Variants in THAP6 observed in about 807,000 individuals in gnomAD.
THAP6 encodes THAP domain containing 6.
A neutral mutation model predicts 20.0 loss-of-function variants in THAP6; 13 were observed. The observed-to-expected ratio is 0.65, with a 90% CI of 0.42 to 1.03. The LOEUF is 1.03. Among genes scored for constraint, THAP6 ranks in the 50% least tolerant of loss-of-function variants. The probability of loss-of-function intolerance (pLI) is 0.00; values close to 1 mark genes in which losing one functional copy is unlikely to be tolerated. For missense variants in THAP6, 262 were observed against 261.6 expected (o/e 1.00, Z -0.01); for synonymous variants, 93 against 92.2 (o/e 1.01, Z -0.05).
chr4:75,527,556 T>C lies in THAP6; in HGVS notation c.*342T>C, dbSNP rs1578273270. 6 of 1,060,288 alleles carry C rather than the reference T, an allele frequency of 5.7e-6. No homozygotes were observed. In the East Asian group the frequency reaches 4.1e-4, roughly 73 times the overall value. 65.7% of individuals were successfully genotyped at this position (1,060,288 alleles called of 1,614,324 possible). ...AGAAGGAATTGGACACTTCTCCAGA[T>C]ATTTGGCTTCAAAGGAGTACCTTTA... On this transcript the variant is annotated 3_prime_UTR_variant, in exon 5 of 5. Coordinates refer to ENST00000311638, the MANE Select transcript of THAP6 (RefSeq NM_144721.6).
chr4:75,526,922 A>G (rs768480588), intron 4 of THAP6, 38 bp from the exon 5 acceptor site: 10 of 1,600,278 alleles, frequency 6.2e-6, no homozygotes, highest in Admixed American at 3.4e-5. Context: ...CCAACTACAT[A>G]TCTGTCTGAT....
rs147530782 is a variant in THAP6 at position 75,529,397 on chromosome 4, C to T, written c.*2183C>T. On this transcript the variant is annotated 3_prime_UTR_variant, in exon 5 of 5. Coordinates refer to ENST00000311638, the MANE Select transcript of THAP6 (RefSeq NM_144721.6). Reference sequence around the variant, plus strand: ...TTTTACTACTTGTGTTCATAGTAGACTCAGCACTTCTTTTTCACTGGACCT... The same window carrying T: ...TTTTACTACTTGTGTTCATAGTAGATTCAGCACTTCTTTTTCACTGGACCT... The T allele has an allele frequency of 1.0e-6, 1 of 985,274 alleles. No individual in the cohort carries two copies. Among genetic ancestry groups the T allele is most frequent in the Non-Finnish European group, 1.2e-6 (1 of 829,938 alleles). The allele number at this position is 985,274 out of a possible 1,614,324, so 61.0% of individuals were successfully genotyped here.
At chr4:75,539,714 A>G in intron 2 of THAP6, 2 of 1,274,032 alleles carry the variant, frequency 1.6e-6, no homozygotes, top group Admixed American at 5.6e-5. Flanking sequence ...AACTTGCTGA[A>G]CTTCTCTGAG....
chr4:75,515,289 G>A, intron 1 of THAP6, 144 bp from the exon 2 acceptor site: 1 of 661,816 alleles, frequency 1.5e-6, no homozygotes. Flanking sequence ...GGAAAATGAT[G>A]TAAGCAAAGC....
rs2148822452 is a variant in THAP6, at chr4:75,527,890, T to C, written c.*676T>C. The stretch of plus-strand genomic sequence containing the variant: ...ACTTTGATGTAAACCAGAATAGCTT[T>C]AAAAAGACAAAAAGGATCGTAGATC... On this transcript the variant is annotated 3_prime_UTR_variant, in exon 5 of 5. Transcript: ENST00000311638. 1.0e-6 allele frequency: 1 copy of C among 985,408 alleles called. No individual in the cohort carries two copies. The highest frequency in any genetic ancestry group is 1.2e-6 in the Non-Finnish European group (1 of 829,924). The allele number at this position is 985,408 out of a possible 1,614,324, so 61.0% of individuals were successfully genotyped here. A position where few individuals can be genotyped will look rare whatever the true frequency, so the allele number is the denominator to read the frequency against.
rs767947680 is a variant in THAP6 at position 75,516,821 on chromosome 4, A to C, written c.130A>C (p.Arg44=). The change falls in exon 3 of 5, where the codon AGA becomes CGA. Residue 44 remains arginine (R), a synonymous_variant. Coordinates refer to ENST00000311638, the MANE Select transcript of THAP6 (RefSeq NM_144721.6). ...AAGGAAATGGGTATTAGCAATGAAA[A>C]GACTTGATGTGAATGCAGCCGGCAT... ...IKRKWVLAMK[R]LDVNAAGIWE... 4 of 1,614,124 alleles carry C rather than the reference A, an allele frequency of 2.5e-6. No individual in the cohort carries two copies. In the Admixed American group the frequency reaches 6.7e-5, roughly 27 times the overall value.
chr4:75,536,031 C>T (rs911414089), intron 2 of THAP6, among the ~76,000 whole-genome samples: 1 of 152,210 alleles, frequency 6.6e-6, no homozygotes, highest in African/African-American at 2.4e-5. Context: ...AACTTGATTA[C>T]TGCAAGAAAG....
Position 75,515,089 on chromosome 4 carries a change from G to A in THAP6, c.-20-344G>A, listed in dbSNP as rs1018156550. ...ACAATCTGAGTGTCAGTGAGGGAAGGCTTCCCTGGGGAAGCGATGCAAGCC... is the reference window on the plus strand; with the variant it reads ...ACAATCTGAGTGTCAGTGAGGGAAGACTTCCCTGGGGAAGCGATGCAAGCC... On this transcript the variant is annotated intron_variant, in intron 1 of 4. Coordinates refer to ENST00000311638, the MANE Select transcript of THAP6 (RefSeq NM_144721.6). The A allele has an allele frequency of 3.4e-5, 7 of 205,034 alleles. No homozygotes were observed. In the East Asian group the frequency reaches 6.8e-4, roughly 20 times the overall value. The allele number at this position is 205,034 out of a possible 1,614,324, so 12.7% of individuals were successfully genotyped here.
At chr4:75,534,559 A>G (rs1458036242), downstream of THAP6, among the ~76,000 whole-genome samples, 2 of 152,228 alleles carry the variant, frequency 1.3e-5, no homozygotes, top group African/African-American at 4.8e-5. Flanking sequence ...AAAATTGACA[A>G]ATTGGATCTA....
intron 1 of THAP6, 71 bp from the exon 2 acceptor site, chr4:75,515,362 C>A: frequency 1.4e-6 from 2 of 1,431,324 alleles, no homozygotes; most frequent in Non-Finnish European, 2.0e-6. Context: ...TTTCCTAAAA[C>A]ACCGGGAAAG....
At chr4:75,531,405 G>T (rs1455494735), downstream of THAP6, among the ~76,000 whole-genome samples, 1 of 152,190 alleles carries the variant, frequency 6.6e-6, no homozygotes, top group Non-Finnish European at 1.5e-5. Context: ...TGTACCATGT[G>T]CCTTTTCCCT....
chr4:75,518,881 A>G (rs1725834590), intron 3 of THAP6, among the ~76,000 whole-genome samples: 1 of 152,068 alleles, frequency 6.6e-6, no homozygotes, highest in Non-Finnish European at 1.5e-5. Context: ...CATGTTTAAG[A>G]GAAACCTATG....
rs1038125705 is a variant in THAP6, at chr4:75,529,287, A to G, written c.*2073A>G. 1.3e-5 allele frequency: 13 copies of G among 985,252 alleles called. No individual in the cohort carries two copies. Among genetic ancestry groups the G allele is most frequent in the Admixed American group, 6.1e-5 (1 of 16,262 alleles). 61.0% of individuals were successfully genotyped at this position (985,252 alleles called of 1,614,324 possible). The stretch of plus-strand genomic sequence containing the variant: ...CAGTATGTCTAAATTCTAGCACTCT[A>G]CTGGCTGCTTAGAATACACCAAACC... On this transcript the variant is annotated 3_prime_UTR_variant, in exon 5 of 5. Coordinates refer to ENST00000311638, the MANE Select transcript of THAP6 (RefSeq NM_144721.6).
In THAP6 at chr4:75,529,894, G is replaced by A. The variant is rs888689191; in HGVS notation, c.*2680G>A. ...GACAATTACAGTTATACCATAGTCT[G>A]TAATTTGAGAAAAGGTGAAATGTAT... On this transcript the variant is annotated 3_prime_UTR_variant, in exon 5 of 5. Transcript: ENST00000311638. The A allele has an allele frequency of 1.1e-4, 110 of 965,164 alleles. No individual in the cohort carries two copies. The highest frequency in any genetic ancestry group is 1.3e-4 in the Non-Finnish European group (103 of 811,696). 59.8% of individuals were successfully genotyped at this position (965,164 alleles called of 1,614,324 possible). A position where few individuals can be genotyped will look rare whatever the true frequency, so the allele number is the denominator to read the frequency against.
chr4:75,547,099 C>T (rs1209252188), intron 3 of THAP6, among the ~76,000 whole-genome samples: 4 of 152,292 alleles, frequency 2.6e-5, no homozygotes, highest in African/African-American at 7.2e-5. Flanking sequence ...CCTTCCCTGA[C>T]GCAGACTTGC....
At position 75,529,751 on chromosome 4, in the gene THAP6, A is replaced by G. The variant is rs1726606174; in HGVS notation, c.*2537A>G. 5.1e-6 allele frequency: 5 copies of G among 985,332 alleles called. No individual in the cohort carries two copies. The highest frequency in any genetic ancestry group is 4.7e-5 in the South Asian group (1 of 21,282). 61.0% of individuals were successfully genotyped at this position (985,332 alleles called of 1,614,324 possible). On this transcript the variant is annotated 3_prime_UTR_variant, in exon 5 of 5. Coordinates refer to ENST00000311638, the MANE Select transcript of THAP6 (RefSeq NM_144721.6). ...AAAGCTAGGAGTGGCCTCTAGAGCC[A>G]GGAACACATTAATACAACAGTTCAA...
chr4:75,514,371 C>G (rs1725335498), upstream of THAP6: 1 of 1,431,710 alleles, frequency 7.0e-7, no homozygotes, highest in Non-Finnish European at 9.4e-7. Context: ...CTAGCACACC[C>G]CTCCCAGCCC....
At chr4:75,539,829 C>A (rs961779782) in intron 2 of THAP6, 5 of 1,535,560 alleles carry the variant, frequency 3.3e-6, no homozygotes, top group Non-Finnish European at 4.4e-6. Flanking sequence ...TACTGTTTTT[C>A]TTTCTTCTTT....
intron 2 of THAP6, among the ~76,000 whole-genome samples, chr4:75,536,824 G>A (rs997966635): frequency 9.9e-5 from 15 of 152,116 alleles, no homozygotes; most frequent in Admixed American, 4.6e-4. Flanking sequence ...GAGCCACTGC[G>A]CCTGGCCACA....
Sources: allele counts gnomAD v4.1 joint callset (sites outside exome capture counted in the v4.1 genomes callset), GRCh38; gene constraint gnomAD v4.1.1; transcripts MANE v1.5; gene names NCBI Gene and HGNC (gene_info 2026-07-23, HGNC 2026-07-21).